Variants in GLRA2 observed in about 807,000 individuals in gnomAD.
The protein encoded by GLRA2 is glycine receptor alpha 2.
Under a neutral mutation model 31.6 loss-of-function variants are expected in GLRA2, and 11 were observed. The ratio of observed to expected loss-of-function variants is 0.35; its 90% confidence interval spans 0.22 to 0.58. GLRA2 has a LOEUF of 0.58. Ranked by LOEUF, GLRA2 falls within the 20% of genes least tolerant of loss-of-function variation. The pLI, the probability that GLRA2 is intolerant of heterozygous loss-of-function variation, is 0.84. For missense variants in GLRA2, 212 were observed against 351.8 expected, an observed-to-expected ratio of 0.60 and a Z score of 3.18; for synonymous variants, 132 against 134.0, an observed-to-expected ratio of 0.99 and a Z score of 0.10.
At chrX:14,577,273 A>C (rs1346120966) in intron 3 of GLRA2, among the ~76,000 whole-genome samples, 2 of 113,498 alleles carry the variant, frequency 1.8e-5, no homozygotes, top group Non-Finnish European at 1.9e-5. Context: ...TGTACCAATA[A>C]AGTTTTATTT....
intron 7 of GLRA2, among the ~76,000 whole-genome samples, chrX:14,682,797 G>A (rs1285394234): frequency 9.4e-6 from 1 of 106,193 alleles, no homozygotes; most frequent in African/African-American, 3.5e-5. Flanking sequence ...GAGAATATGC[G>A]GTGTTTGGTT....
chrX:14,470,914 G>C, the GLRA2 span, among the ~76,000 whole-genome samples: 1 of 111,491 alleles, frequency 9.0e-6, no homozygotes, highest in Non-Finnish European at 1.9e-5. Flanking sequence ...GGGATAAAGA[G>C]AAGATTGTGC....
At chrX:14,555,218 T>G (rs192181552) in intron 2 of GLRA2, among the ~76,000 whole-genome samples, 40 of 111,939 alleles carry the variant, frequency 3.6e-4, no homozygotes, top group Non-Finnish European at 2.1e-4. Context: ...AGGAGGAAGA[T>G]CCTTCCTTGA....
At chrX:14,527,626 A>G (rs961222151), upstream of GLRA2, among the ~76,000 whole-genome samples, 1 of 110,763 alleles carries the variant, frequency 9.0e-6, no homozygotes, top group Non-Finnish European at 1.9e-5. Flanking sequence ...GAAAAAAAAA[A>G]AAAGAGAAAT....
At chrX:14,584,657 A>C (rs1159897950) in intron 4 of GLRA2, among the ~76,000 whole-genome samples, 1 of 112,391 alleles carries the variant, frequency 8.9e-6, no homozygotes, top group Non-Finnish European at 1.9e-5. Flanking sequence ...CCCAGTGACC[A>C]TTCATTTTTA....
Position 14,670,447 on chromosome X carries a change from T to C in GLRA2, c.931-20263T>C, listed in dbSNP as rs191732703. Among the ~76,000 whole-genome samples the C allele has an allele frequency of 3.5e-4, 39 of 112,052 alleles. No individual in the cohort carries two copies. The East Asian group carries it at 6.8e-3, about 19-fold the overall frequency. On this transcript the variant is annotated intron_variant, in intron 7 of 8. Transcript: ENST00000218075. ...TTTTCACACTGCTGATAAAGACATATCTAAGACTGGGCAATTTAGAAAAGA... is the reference window on the plus strand; with the variant it reads ...TTTTCACACTGCTGATAAAGACATACCTAAGACTGGGCAATTTAGAAAAGA...
intron 7 of GLRA2, among the ~76,000 whole-genome samples, chrX:14,671,542 T>C (rs1280415339): frequency 8.9e-6 from 1 of 111,900 alleles, no homozygotes; most frequent in Non-Finnish European, 1.9e-5. Flanking sequence ...CCCCAACAAG[T>C]ACCAGGAAAT....
chrX:14,610,360 T>C (rs2090384723), intron 7 of GLRA2, among the ~76,000 whole-genome samples: 1 of 111,692 alleles, frequency 9.0e-6, no homozygotes, highest in Non-Finnish European at 1.9e-5. Flanking sequence ...TTACACAACT[T>C]ATTAAGTCCC....
At chrX:14,689,683 G>A (rs2035502506) in intron 7 of GLRA2, among the ~76,000 whole-genome samples, 1 of 112,050 alleles carries the variant, frequency 8.9e-6, no homozygotes, top group Non-Finnish European at 1.9e-5. Context: ...TGGCTGGCAA[G>A]CACTTGACAG....
rs767128125 is a variant in GLRA2 at position 14,666,081 on chromosome X, G to A, written c.931-24629G>A. Among the ~76,000 whole-genome samples the A allele has an allele frequency of 3.6e-5, 4 of 112,090 alleles. No homozygotes were observed. The South Asian group carries it at 1.5e-3, about 42-fold the overall frequency. Reference sequence around the variant, plus strand: ...CATAATAATTGTTCACAGTGACAATGTGCTTCATGTGAGAGAAAATCAGGC... The same window carrying A: ...CATAATAATTGTTCACAGTGACAATATGCTTCATGTGAGAGAAAATCAGGC... On this transcript the variant is annotated intron_variant, in intron 7 of 8. Coordinates refer to ENST00000218075, the MANE Select transcript of GLRA2 (RefSeq NM_002063.4).
intron 8 of GLRA2, among the ~76,000 whole-genome samples, chrX:14,694,179 T>C (rs918577321): frequency 5.4e-5 from 6 of 111,952 alleles, no homozygotes; most frequent in Non-Finnish European, 9.4e-5. Flanking sequence ...AAGAACCAGA[T>C]TGCAGTAGTT....
rs759583377 is a variant in GLRA2, at chrX:14,702,792, C to T, written c.1080+11933C>T. Among the ~76,000 whole-genome samples the T allele has an allele frequency of 4.2e-4, 47 of 111,640 alleles. No individual in the cohort carries two copies. In the South Asian group the frequency reaches 0.015, roughly 36 times the overall value. ...AGATATGACCACGCAGGCAGTAATA[C>T]ACAACAAAGTTTATTGGGTGGCACT... On this transcript the variant is annotated intron_variant, in intron 8 of 8. Transcript: ENST00000218075.
chrX:14,669,612 G>C (rs2091070203), intron 7 of GLRA2, among the ~76,000 whole-genome samples: 1 of 111,959 alleles, frequency 8.9e-6, no homozygotes, highest in African/African-American at 3.3e-5. Context: ...AGCTGCCAAG[G>C]CTTGAGGCTT....
upstream of GLRA2, among the ~76,000 whole-genome samples, chrX:14,524,567 T>G (rs749357029): frequency 1.3e-3 from 147 of 112,098 alleles, no homozygotes; most frequent in African/African-American, 4.5e-3. Flanking sequence ...TCTTAACTTC[T>G]TCATATTTTC....
rs769480364 is a variant in GLRA2 at position 14,529,890 on chromosome X, C to T, written c.-168C>T. ...ACCTGACCATGATGCCCAGGACTGG[C>T]ACTTTTTCTTTTTTCTCAGCAAACT... On this transcript the variant is annotated 5_prime_UTR_variant, in exon 1 of 9. Transcript: ENST00000218075. 3.0e-5 allele frequency: 14 copies of T among 469,298 alleles called. No individual in the cohort carries two copies. The highest frequency in any genetic ancestry group is 5.2e-5 in the Non-Finnish European group (14 of 267,462). 38.7% of individuals were successfully genotyped at this position (469,298 alleles called of 1,213,427 possible).
At chrX:14,542,432 A>T (rs2089417848) in intron 2 of GLRA2, among the ~76,000 whole-genome samples, 1 of 111,506 alleles carries the variant, frequency 9.0e-6, no homozygotes. Flanking sequence ...TGATCTCTTT[A>T]AACCAGCCAG....
Position 14,543,284 on chromosome X carries a change from CTACTT to C in GLRA2, c.202+10913_202+10917del, listed in dbSNP as rs751655159. Among the ~76,000 whole-genome samples the C allele has an allele frequency of 6.1e-5, 6 of 98,462 alleles. No homozygotes were observed. In the South Asian group the frequency reaches 3.2e-3, roughly 52 times the overall value. The allele number at this position is 98,462 out of a possible 115,157, so 85.5% of individuals were successfully genotyped here. ...AAAGGACTTAGAACAAGATGTCTCT[CTACTT>C]CACTTCTAACTTTGATGGTCCCTGG... On this transcript the variant is annotated intron_variant, in intron 2 of 8. Transcript: ENST00000218075.
At chrX:14,488,128 A>G in the GLRA2 span, among the ~76,000 whole-genome samples, 1 of 111,898 alleles carries the variant, frequency 8.9e-6, no homozygotes, top group African/African-American at 3.2e-5. Context: ...ATTCCTGTCC[A>G]GTTGCCTAGA....
intron 2 of GLRA2, among the ~76,000 whole-genome samples, chrX:14,556,457 T>C (rs1403329301): frequency 8.9e-6 from 1 of 112,169 alleles, no homozygotes; most frequent in South Asian, 3.7e-4. Flanking sequence ...TTATTTATTA[T>C]TCACCCCAAT....
Sources: allele counts gnomAD v4.1 joint callset (sites outside exome capture counted in the v4.1 genomes callset), GRCh38; gene constraint gnomAD v4.1.1; transcripts MANE v1.5; gene names NCBI Gene and HGNC (gene_info 2026-07-23, HGNC 2026-07-21).